The following PCDHA1 variants were observed in gnomAD, a reference collection of about 807,000 sequenced individuals.
The protein encoded by PCDHA1 is protocadherin alpha-1.
PCDHA1 carries 42 observed loss-of-function variants against 61.3 expected under a neutral mutation model. The observed-to-expected ratio is 0.69, with a 90% confidence interval of 0.54 to 0.89. The LOEUF is 0.89. Among genes scored for constraint, PCDHA1 ranks in the 40% least tolerant of loss-of-function variants. The probability of loss-of-function intolerance (pLI) is 0.00; values close to 1 mark genes in which losing one functional copy is unlikely to be tolerated. For synonymous variants in PCDHA1, 610 were observed against 553.8 expected (o/e 1.10, Z -1.43); for missense variants, 1,256 against 1,235.3 (o/e 1.02, Z -0.25).
chr5:140,946,631 T>TACAC (rs374022482), intron 1 of PCDHA1, among the ~76,000 whole-genome samples: 1 of 131,846 alleles, frequency 7.6e-6, no homozygotes, highest in Non-Finnish European at 1.5e-5. Flanking sequence ...TATATATATA[T>TACAC]ACAATGGAAT....
intron 1 of PCDHA1, chr5:140,882,822 G>C: frequency 6.2e-7 from 1 of 1,614,198 alleles, no homozygotes; most frequent in South Asian, 1.1e-5. Context: ...GCACAAAACA[G>C]TCTTGAGCAA....
chr5:140,927,601 G>C lies in PCDHA1; in HGVS notation c.2395-51348G>C, dbSNP rs1490799029. 27 of 1,614,082 alleles carry C rather than the reference G, an allele frequency of 1.7e-5. No individual in the cohort carries two copies. Among genetic ancestry groups the C allele is most frequent in the Non-Finnish European group, 2.3e-5 (27 of 1,180,040 alleles). Reference sequence around the variant, plus strand: ...CAACGCGCCTGTATTTGAGCGCTCCGTATACCGCACCAAGGTTCCAGAGAC... The same window carrying C: ...CAACGCGCCTGTATTTGAGCGCTCCCTATACCGCACCAAGGTTCCAGAGAC... On this transcript the variant is annotated intron_variant, in intron 1 of 3. Transcript: ENST00000504120.
At chr5:140,877,097 T>A in intron 1 of PCDHA1, 1 of 1,613,308 alleles carries the variant, frequency 6.2e-7, no homozygotes, top group Non-Finnish European at 8.5e-7. Context: ...GACGCCGGCG[T>A]GCCGCCTCTG....
chr5:140,859,470 A>G (rs184833883), intron 1 of PCDHA1: 1 of 211,162 alleles, frequency 4.7e-6, no homozygotes, highest in South Asian at 1.3e-4. Context: ...TACACTATCA[A>G]TTGTGTTTTC....
intron 1 of PCDHA1, chr5:140,863,701 A>G (rs782228120): frequency 3.1e-5 from 9 of 294,760 alleles, no homozygotes; most frequent in Non-Finnish European, 6.0e-5. Context: ...TGCTTTATTT[A>G]AAGTACACTG....
chr5:140,924,064 G>A (rs1584331926), intron 1 of PCDHA1, among the ~76,000 whole-genome samples: 1 of 152,172 alleles, frequency 6.6e-6, no homozygotes. Context: ...CTTTACAGTT[G>A]TATTTCATCT....
intron 1 of PCDHA1, chr5:140,842,523 T>C (rs2150338056): frequency 6.2e-7 from 1 of 1,613,420 alleles, no homozygotes; most frequent in South Asian, 1.1e-5. Flanking sequence ...GTGTCCACCT[T>C]CAAGAATTAC....
chr5:140,835,258 A>G (rs2150232835), intron 1 of PCDHA1: 2 of 1,607,720 alleles, frequency 1.2e-6, no homozygotes, highest in African/African-American at 1.4e-5. Flanking sequence ...ATAAAATCCA[A>G]GTTCCACATG....
intron 1 of PCDHA1, chr5:140,803,546 G>C (rs1468023738): frequency 3.7e-6 from 6 of 1,614,060 alleles, no homozygotes; most frequent in Admixed American, 1.7e-5. Context: ...CAATTAGCCG[G>C]GATAGAGAGG....
intron 1 of PCDHA1, among the ~76,000 whole-genome samples, chr5:140,918,975 T>C (rs141194276): frequency 6.6e-6 from 1 of 152,310 alleles, no homozygotes; most frequent in East Asian, 1.9e-4. Flanking sequence ...ATCGTTTAGG[T>C]TAGTTGGTTT....
At chr5:140,843,240 C>T (rs2150355693) in intron 1 of PCDHA1, 1 of 1,595,944 alleles carries the variant, frequency 6.3e-7, no homozygotes, top group Non-Finnish European at 8.6e-7. Context: ...CTGGACGAAG[C>T]GGACTCTCCG....
At chr5:140,990,541 A>T (rs868916666) in intron 3 of PCDHA1, among the ~76,000 whole-genome samples, 1 of 152,210 alleles carries the variant, frequency 6.6e-6, no homozygotes, top group Admixed American at 6.5e-5. Context: ...CATCATAGAT[A>T]CTGTATTACC....
intron 3 of PCDHA1, among the ~76,000 whole-genome samples, chr5:140,999,654 C>T (rs180994815): frequency 1.3e-3 from 194 of 152,238 alleles, no homozygotes; most frequent in African/African-American, 4.4e-3. Context: ...AGCCTGAGCC[C>T]TGCTGGGTTG....
chr5:140,848,279 C>A, intron 1 of PCDHA1: 1 of 591,730 alleles, frequency 1.7e-6, no homozygotes, highest in Admixed American at 3.0e-5. Flanking sequence ...GAAATATGTA[C>A]TTACACTTTG....
At chr5:140,994,939 C>T (rs1210134523) in intron 3 of PCDHA1, among the ~76,000 whole-genome samples, 5 of 152,160 alleles carry the variant, frequency 3.3e-5, no homozygotes, top group Non-Finnish European at 7.3e-5. Context: ...CTTAAACATC[C>T]TGCTAAATAA....
chr5:140,875,981 A>G lies in PCDHA1; in HGVS notation c.2394+87297A>G, dbSNP rs200521027. 1.0e-3 allele frequency: 1,684 copies of G among 1,614,052 alleles called. 3 individuals are homozygous for G. Among genetic ancestry groups the G allele is most frequent in the Admixed American group, 1.5e-3 (93 of 60,032 alleles). ...ATCGGCGTAAACTCTCTTTTGACCT[A>G]TGCGTTAAGTCTAAATGAGAATTTT... On this transcript the variant is annotated intron_variant, in intron 1 of 3. Transcript: ENST00000504120.
chr5:140,928,605 C>T, intron 1 of PCDHA1: 1 of 1,614,208 alleles, frequency 6.2e-7, no homozygotes, highest in South Asian at 1.1e-5. Flanking sequence ...AAATTGTGCC[C>T]CGCTCTGCCA....
intron 1 of PCDHA1, chr5:140,842,646 C>T: frequency 6.3e-7 from 1 of 1,595,360 alleles, no homozygotes; most frequent in Non-Finnish European, 8.6e-7. Flanking sequence ...GCCAGCTTGT[C>T]TGTGGAGGTG....
intron 1 of PCDHA1, chr5:140,824,182 T>C: frequency 6.2e-7 from 1 of 1,608,398 alleles, no homozygotes; most frequent in Middle Eastern, 1.7e-4. Context: ...AAATATTAAA[T>C]GTCACATTCA....
Sources: allele counts gnomAD v4.1 joint callset (sites outside exome capture counted in the v4.1 genomes callset), GRCh38; gene constraint gnomAD v4.1.1; transcripts MANE v1.5; gene names NCBI Gene and HGNC (gene_info 2026-07-23, HGNC 2026-07-21).